Variants in TESMIN observed in about 807,000 individuals in gnomAD.
The protein encoded by TESMIN is testis expressed metallothionein like protein.
TESMIN carries 34 observed loss-of-function variants against 47.4 expected under a neutral mutation model. The observed-to-expected ratio is 0.72, with a 90% CI of 0.55 to 0.96. The LOEUF is 0.96. TESMIN is among the 40% of genes least tolerant of loss of function. The pLI is 0.00. For missense variants in TESMIN, 610 were observed against 637.2 expected, an observed-to-expected ratio of 0.96 and a Z score of 0.46; for synonymous variants, 278 against 258.9, an observed-to-expected ratio of 1.07 and a Z score of -0.71.
At chr11:68,716,998 G>A (rs920345486) in intron 6 of TESMIN, among the ~76,000 whole-genome samples, 11 of 152,294 alleles carry the variant, frequency 7.2e-5, no homozygotes, top group African/African-American at 2.6e-4. Flanking sequence ...AGTGGGAATC[G>A]TGGTGCTCAG....
Position 68,727,451 on chromosome 11 carries a change from CAAAACAAA to C in TESMIN, c.917+11241_917+11248del, listed in dbSNP as rs756353999. 6.8e-4 allele frequency among the ~76,000 whole-genome samples: 104 copies of C among 152,060 alleles called. No individual in the cohort carries two copies. In the Middle Eastern group the frequency reaches 0.014, roughly 20 times the overall value. On this transcript the variant is annotated intron_variant, in intron 6 of 9. Transcript: ENST00000255087. ...CCAGACTTTGTGTCAAAAACAAAAA[CAAAACAAA>C]AAAACAAAAAAACTGTCCTAAAAAA...
chr11:68,742,352 G>A lies in TESMIN; in HGVS notation c.794C>T (p.Pro265Leu). 1.2e-6 allele frequency: 2 copies of A among 1,602,576 alleles called. No homozygotes were observed. Among genetic ancestry groups the A allele is most frequent in the African/African-American group, 1.3e-5 (1 of 74,678 alleles). ...AATGAGATTTAATTTTGTTGATGCT[G>A]GCAAAAATCTCCCTACTAAAGCAGT... ...PMTALVGRFLPASTKLNLITQ... is the reference protein window; with the variant it reads ...PMTALVGRFLLASTKLNLITQ... The change falls in exon 5 of 10, where the codon CCA (proline) becomes CTA (leucine). Residue 265 changes from proline to leucine, a missense_variant. Pro to Leu is a moderately conservative substitution (Grantham distance 98). Coordinates refer to ENST00000255087, the MANE Select transcript of TESMIN (RefSeq NM_004923.3).
At chr11:68,738,057 C>T (rs1946408732) in intron 6 of TESMIN, 3 of 985,538 alleles carry the variant, frequency 3.0e-6, no homozygotes, top group South Asian at 4.7e-5. Flanking sequence ...ACTGTTAATA[C>T]ATAAATGTTA....
At chr11:68,729,992 C>A (rs917333776) in intron 6 of TESMIN, among the ~76,000 whole-genome samples, 1 of 152,154 alleles carries the variant, frequency 6.6e-6, no homozygotes, top group African/African-American at 2.4e-5. Flanking sequence ...CACCGCAACC[C>A]CAGCCTTCAG....
chr11:68,723,889 C>T (rs1351131694), intron 6 of TESMIN, among the ~76,000 whole-genome samples: 2 of 152,144 alleles, frequency 1.3e-5, no homozygotes, highest in Non-Finnish European at 2.9e-5. Flanking sequence ...ATCACCTTCA[C>T]CACTCCAACT....
intron 6 of TESMIN, among the ~76,000 whole-genome samples, chr11:68,733,300 T>G (rs1378386661): frequency 6.6e-6 from 1 of 152,112 alleles, no homozygotes; most frequent in East Asian, 1.9e-4. Context: ...TTTTTAAAAA[T>G]GGGATGTGGA....
chr11:68,715,306 C>A (rs1449371642), intron 7 of TESMIN, among the ~76,000 whole-genome samples: 1 of 152,190 alleles, frequency 6.6e-6, no homozygotes, highest in Admixed American at 6.5e-5. Context: ...TAGCCTTCAG[C>A]AGAGTGGCCA....
At chr11:68,741,668 T>C (rs1946458202) in intron 5 of TESMIN, among the ~76,000 whole-genome samples, 1 of 152,220 alleles carries the variant, frequency 6.6e-6, no homozygotes, top group African/African-American at 2.4e-5. Flanking sequence ...TTTGTGCTGA[T>C]TCTCATTTTA....
chr11:68,718,238 T>C (rs1033296669), intron 6 of TESMIN, among the ~76,000 whole-genome samples: 1 of 127,144 alleles, frequency 7.9e-6, no homozygotes, highest in African/African-American at 2.8e-5. Context: ...ACAGACATGT[T>C]AGGAAATCTT....
At position 68,747,203 on chromosome 11, in the gene TESMIN, A is replaced by G. The variant is rs773383380; in HGVS notation, c.630+5T>C. The G allele has an allele frequency of 5.0e-6, 8 of 1,613,556 alleles. No individual in the cohort carries two copies. The highest frequency in any genetic ancestry group is 5.9e-6 in the Non-Finnish European group (7 of 1,179,452). On this transcript the variant is annotated splice_donor_5th_base_variant and intron_variant, in intron 3 of 9. Transcript: ENST00000255087. ...AGTCCTACACATCTTCTTTAGCATA[A>G]TTACCATTGGGTTGGAATCTTTCTT... is the stretch of plus-strand genomic sequence containing the variant.
At chr11:68,738,460 A>G in intron 6 of TESMIN, 1 of 1,309,106 alleles carries the variant, frequency 7.6e-7, no homozygotes, top group Non-Finnish European at 9.8e-7. Context: ...GACAGCGGAC[A>G]GGAGGACAGG....
Position 68,707,747 on chromosome 11 carries a change from T to C in TESMIN, c.*561A>G, listed in dbSNP as rs1226570628. On this transcript the variant is annotated 3_prime_UTR_variant, in exon 10 of 10. Coordinates refer to ENST00000255087, the MANE Select transcript of TESMIN (RefSeq NM_004923.3). ...CGGGGGCCTTAGGAAAGACTGACAGTTCGCGTGCCTCTGGGGAAATATCTA... is the reference window on the plus strand; with the variant it reads ...CGGGGGCCTTAGGAAAGACTGACAGCTCGCGTGCCTCTGGGGAAATATCTA... 2.2e-6 allele frequency: 1 copy of C among 445,656 alleles called. No homozygotes were observed. Among genetic ancestry groups the C allele is most frequent in the Admixed American group, 2.4e-5 (1 of 42,192 alleles). 27.6% of individuals were successfully genotyped at this position (445,656 alleles called of 1,614,324 possible).
downstream of TESMIN, among the ~76,000 whole-genome samples, chr11:68,704,881 T>C (rs1335048687): frequency 6.6e-6 from 1 of 152,258 alleles, no homozygotes; most frequent in African/African-American, 2.4e-5. Context: ...TCAAACTTTT[T>C]CCTGATAGTC....
At chr11:68,728,737 T>C (rs545036810) in intron 6 of TESMIN, among the ~76,000 whole-genome samples, 520 of 152,368 alleles carry the variant, frequency 3.4e-3, no homozygotes, top group Non-Finnish European at 5.8e-3. Context: ...AATGCTCATT[T>C]CCCATTCTGC....
chr11:68,705,275 T>C (rs544940489), downstream of TESMIN, among the ~76,000 whole-genome samples: 5 of 152,354 alleles, frequency 3.3e-5, no homozygotes, highest in South Asian at 6.2e-4. Context: ...TTATCTTGGA[T>C]GAGGGTTCAA....
At chr11:68,737,649 C>T (rs1240566338) in intron 6 of TESMIN, 22 of 985,662 alleles carry the variant, frequency 2.2e-5, no homozygotes, top group South Asian at 4.7e-5. Flanking sequence ...AGGCCGGGCA[C>T]GCCTGTAATC....
rs148111666 is a variant in TESMIN, at chr11:68,750,485, G to A, written c.176C>T (p.Pro59Leu). 1.6e-5 allele frequency: 25 copies of A among 1,602,226 alleles called. No individual in the cohort carries two copies. In the African/African-American group the frequency reaches 2.9e-4, roughly 19 times the overall value. ...GAACGCGTGCAGGACGGGTTCCTTG[G>A]GGTCCGCCGGGCCCAGGTACGCTTC... ...FKEAYLGPAD[P>L]KEPVLHAFNP... The change falls in exon 2 of 10, where the codon CCC (proline) becomes CTC (leucine). Residue 59 changes from proline to leucine, a missense_variant. Coordinates refer to ENST00000255087, the MANE Select transcript of TESMIN (RefSeq NM_004923.3).
Position 68,747,458 on chromosome 11 carries a change from G to A in TESMIN, c.472-92C>T, listed in dbSNP as rs111803471. On this transcript the variant is annotated intron_variant, in intron 2 of 9. Coordinates refer to ENST00000255087, the MANE Select transcript of TESMIN (RefSeq NM_004923.3). ...TAGAAAATTGAAATCTCAGTGATAAGTAGAAGTTATGGTGAAACCCTGTCT... is the reference window on the plus strand; with the variant it reads ...TAGAAAATTGAAATCTCAGTGATAAATAGAAGTTATGGTGAAACCCTGTCT... 2.1e-5 allele frequency: 25 copies of A among 1,162,954 alleles called. No homozygotes were observed. The African/African-American group carries it at 3.5e-4, about 16-fold the overall frequency. The allele number at this position is 1,162,954 out of a possible 1,614,324, so 72.0% of individuals were successfully genotyped here.
rs150310577 is a variant in TESMIN at position 68,713,563 on chromosome 11, T to G, written c.1021-156A>C. On this transcript the variant is annotated intron_variant, in intron 7 of 9. Coordinates refer to ENST00000255087, the MANE Select transcript of TESMIN (RefSeq NM_004923.3). ...GAAGGTGCAGCCCCTTCTTGTTTGATTTCCATTTGTTTCCATACACAAAAA... is the reference window on the plus strand; with the variant it reads ...GAAGGTGCAGCCCCTTCTTGTTTGAGTTCCATTTGTTTCCATACACAAAAA... Among the ~76,000 whole-genome samples, 52 of 152,370 alleles carry G rather than the reference T, an allele frequency of 3.4e-4. No homozygotes were observed. In the East Asian group the frequency reaches 8.9e-3, roughly 26 times the overall value.
Sources: gnomAD v4.1 joint callset for allele counts (sites outside exome capture counted in the v4.1 genomes callset) on GRCh38, gnomAD v4.1.1 for gene constraint, MANE v1.5 for transcripts, NCBI Gene and HGNC (gene_info 2026-07-23, HGNC 2026-07-21) for gene names.